The following PRKG1 variants were observed in gnomAD, a reference collection of about 807,000 sequenced individuals.
PRKG1 encodes the protein cGMP-dependent protein kinase 1.
In PRKG1, 35 loss-of-function variants were observed where a neutral mutation model predicts 88.1. The observed-to-expected ratio is 0.40, with a 90% CI of 0.30 to 0.53. The LOEUF (loss-of-function observed/expected upper bound fraction) is 0.53, where lower values mean the gene tolerates loss of function less well. Among genes scored for constraint, PRKG1 ranks in the 20% least tolerant of loss-of-function variants. The pLI is 0.59. For missense variants in PRKG1, 540 were observed against 839.8 expected (o/e 0.64, Z 4.41); for synonymous variants, 303 against 292.5 (o/e 1.04, Z -0.37).
chr10:51,962,219 C>A (rs1843464206), intron 5 of PRKG1, among the ~76,000 whole-genome samples: 1 of 152,128 alleles, frequency 6.6e-6, no homozygotes, highest in Non-Finnish European at 1.5e-5. Context: ...AGCCCTGGAG[C>A]TGGACATCTA....
At chr10:51,362,908 T>C (rs1842513843) in intron 2 of PRKG1, among the ~76,000 whole-genome samples, 1 of 151,906 alleles carries the variant, frequency 6.6e-6, no homozygotes, top group South Asian at 2.1e-4. Context: ...GTTAGTTTGC[T>C]GAGCCTTCTT....
chr10:51,608,332 G>A (rs1450199765), intron 3 of PRKG1, among the ~76,000 whole-genome samples: 1 of 152,176 alleles, frequency 6.6e-6, no homozygotes, highest in East Asian at 1.9e-4. Context: ...GAAGTGTGGG[G>A]CTAGAGTTTT....
chr10:51,151,130 C>CAAAAA (rs56202198), intron 1 of PRKG1, among the ~76,000 whole-genome samples: 1 of 119,876 alleles, frequency 8.3e-6, no homozygotes, highest in Non-Finnish European at 1.8e-5. Flanking sequence ...CACTCTCTGA[C>CAAAAA]AAAAAAAAAA....
chr10:52,275,747 T>C (rs1841858230), intron 12 of PRKG1, among the ~76,000 whole-genome samples: 2 of 152,130 alleles, frequency 1.3e-5, no homozygotes, highest in African/African-American at 2.4e-5. Flanking sequence ...AGGGATTGCA[T>C]TGAATTTGGA....
intron 4 of PRKG1, among the ~76,000 whole-genome samples, chr10:51,875,464 G>T (rs1440500819): frequency 1.3e-5 from 2 of 151,882 alleles, no homozygotes; most frequent in Non-Finnish European, 2.9e-5. Context: ...TTAGAGACAG[G>T]GTCTCGCTAT....
intron 4 of PRKG1, among the ~76,000 whole-genome samples, chr10:51,838,455 T>C (rs561482125): frequency 1.1e-4 from 16 of 152,320 alleles, no homozygotes; most frequent in South Asian, 2.1e-4. Flanking sequence ...ATAAAACCTC[T>C]GGGCAGTTTT....
At chr10:51,586,063 C>T (rs1838164888) in intron 3 of PRKG1, among the ~76,000 whole-genome samples, 1 of 152,066 alleles carries the variant, frequency 6.6e-6, no homozygotes, top group Admixed American at 6.6e-5. Context: ...AATGATACCC[C>T]AAGCCTCGGT....
intron 12 of PRKG1, among the ~76,000 whole-genome samples, chr10:52,274,990 A>G (rs1031918008): frequency 6.6e-6 from 1 of 152,178 alleles, no homozygotes; most frequent in East Asian, 1.9e-4. Flanking sequence ...TCTTTTGAGA[A>G]TTGTCTATTC....
chr10:52,212,187 T>A (rs1046934222), intron 9 of PRKG1, among the ~76,000 whole-genome samples: 2 of 152,146 alleles, frequency 1.3e-5, no homozygotes, highest in Admixed American at 6.6e-5. Flanking sequence ...AAAAAAACAG[T>A]AGTGAGGTAC....
intron 5 of PRKG1, among the ~76,000 whole-genome samples, chr10:51,959,157 T>A (rs1160701464): frequency 6.6e-6 from 1 of 152,172 alleles, no homozygotes; most frequent in Non-Finnish European, 1.5e-5. Context: ...AATTCAGTAA[T>A]TAAAGATGAA....
At chr10:52,266,353 A>T (rs1841569499) in intron 10 of PRKG1, among the ~76,000 whole-genome samples, 1 of 151,890 alleles carries the variant, frequency 6.6e-6, no homozygotes, top group South Asian at 2.1e-4. Context: ...ATTTCTCCTG[A>T]TGCTCTCTGC....
intron 1 of PRKG1, among the ~76,000 whole-genome samples, chr10:51,090,533 T>G (rs1844374428): frequency 6.6e-6 from 1 of 152,096 alleles, no homozygotes; most frequent in African/African-American, 2.4e-5. Context: ...AATTTAAGAA[T>G]GGATTGATGA....
intron 2 of PRKG1, among the ~76,000 whole-genome samples, chr10:51,209,933 G>C (rs925644451): frequency 2.0e-5 from 3 of 152,046 alleles, no homozygotes; most frequent in Non-Finnish European, 2.9e-5. Flanking sequence ...TGAGAGCAGT[G>C]GAAGTGTGTT....
intron 4 of PRKG1, among the ~76,000 whole-genome samples, chr10:51,836,029 T>G (rs1355228707): frequency 6.6e-6 from 1 of 152,212 alleles, no homozygotes; most frequent in Non-Finnish European, 1.5e-5. Flanking sequence ...TTGTATATTT[T>G]CTTTTAAGGA....
chr10:51,272,750 G>A (rs1840014979), intron 2 of PRKG1, among the ~76,000 whole-genome samples: 1 of 152,104 alleles, frequency 6.6e-6, no homozygotes, highest in Admixed American at 6.5e-5. Context: ...CCTCTGTGCG[G>A]GTGATCCATA....
At chr10:52,144,450 A>G (rs1837672756) in intron 8 of PRKG1, among the ~76,000 whole-genome samples, 1 of 152,214 alleles carries the variant, frequency 6.6e-6, no homozygotes, top group Admixed American at 6.5e-5. Flanking sequence ...AGGAACTCAA[A>G]CAGGCAGACT....
At chr10:51,900,686 C>CA in intron 4 of PRKG1, among the ~76,000 whole-genome samples, 1 of 152,174 alleles carries the variant, frequency 6.6e-6, no homozygotes, top group East Asian at 1.9e-4. Context: ...TTATCATAGG[C>CA]AAAAACCACT....
intron 3 of PRKG1, among the ~76,000 whole-genome samples, chr10:51,531,637 CTTTTTTTTTTTTTTTT>C (rs34091409): frequency 1.5e-5 from 1 of 67,852 alleles, no homozygotes; most frequent in African/African-American, 6.0e-5. Context: ...AAAAAGAATT[CTTTTTTTTTTTTTTTT>C]TTTTTTTTTT....
At chr10:51,846,381 A>G (rs1316328752) in intron 4 of PRKG1, among the ~76,000 whole-genome samples, 1 of 152,216 alleles carries the variant, frequency 6.6e-6, no homozygotes, top group Admixed American at 6.5e-5. Context: ...TTCATGATAT[A>G]AATTGATGTT....
Sources: gnomAD v4.1 joint callset for allele counts (sites outside exome capture counted in the v4.1 genomes callset) on GRCh38, gnomAD v4.1.1 for gene constraint, MANE v1.5 for transcripts, NCBI Gene and HGNC (gene_info 2026-07-23, HGNC 2026-07-21) for gene names.